Variants in CASP10 observed in about 807,000 individuals in gnomAD.
The protein encoded by CASP10 is caspase-10.
A neutral mutation model predicts 48.5 loss-of-function variants in CASP10; 41 were observed. That is an observed-to-expected ratio of 0.85 (90% CI 0.66 to 1.10). CASP10 has a LOEUF of 1.10. Ranked by LOEUF, CASP10 falls within the 50% of genes least tolerant of loss-of-function variation. The pLI is 0.00. For missense variants in CASP10, 614 were observed against 614.5 expected (o/e 1.00, Z 0.01); for synonymous variants, 232 against 238.4 (o/e 0.97, Z 0.25).
chr2:201,200,696 T>C lies in CASP10; in HGVS notation c.685-3034T>C. ...TTGTAAGTGATCTTAAGAGATTAAG[T>C]ACATCCTTAATTAAAAGAAATGGTA... is the stretch of plus-strand genomic sequence containing the variant. On this transcript the variant is annotated intron_variant, in intron 5 of 9. Coordinates refer to ENST00000286186, the MANE Select transcript of CASP10 (RefSeq NM_032977.4). The C allele has an allele frequency of 3.0e-6, 4 of 1,315,600 alleles. No individual in the cohort carries two copies. The South Asian group carries it at 7.6e-5, about 25-fold the overall frequency. The allele number at this position is 1,315,600 out of a possible 1,614,324, so 81.5% of individuals were successfully genotyped here.
At chr2:201,198,631 C>G (rs1326655612) in intron 5 of CASP10, among the ~76,000 whole-genome samples, 1 of 149,166 alleles carries the variant, frequency 6.7e-6, no homozygotes, top group Non-Finnish European at 1.5e-5. Context: ...AGCTCCGCCT[C>G]CCGTGTTCAC....
intron 1 of CASP10, 147 bp from the exon 2 acceptor site, chr2:201,185,624 C>A (rs1230135490): frequency 7.7e-6 from 5 of 652,568 alleles, no homozygotes; most frequent in Non-Finnish European, 1.4e-5. Context: ...TTTGAAGTAG[C>A]CTCGCCGTAA....
chr2:201,190,049 T>A (rs1944554761), intron 3 of CASP10, among the ~76,000 whole-genome samples: 1 of 152,058 alleles, frequency 6.6e-6, no homozygotes, highest in South Asian at 2.1e-4. Context: ...ACATCTTCAG[T>A]TTGGTTCCTA....
rs545796839 is a variant in CASP10 at position 201,196,018 on chromosome 2, C to T, written c.684+70C>T. ...CCCTCCAACCTCCCCTCCCTGCCAC[C>T]CCAAAAAAGAAAAAGAGAGAGAGGC... On this transcript the variant is annotated intron_variant, in intron 5 of 9. Coordinates refer to ENST00000286186, the MANE Select transcript of CASP10 (RefSeq NM_032977.4). 130 of 1,032,344 alleles carry T rather than the reference C, an allele frequency of 1.3e-4. No individual in the cohort carries two copies. The African/African-American group carries it at 1.6e-3, about 13-fold the overall frequency. The allele number at this position is 1,032,344 out of a possible 1,614,324, so 63.9% of individuals were successfully genotyped here. A position where few individuals can be genotyped will look rare whatever the true frequency, so the allele number is the denominator to read the frequency against.
exon 10 of CASP10, chr2:201,229,093 GAGGCTTCCTTCTGCCTGCCTTCC>G: frequency 6.2e-7 from 1 of 1,614,018 alleles, no homozygotes; most frequent in East Asian, 2.2e-5. Flanking sequence ...GTTCTTTCCA[GAGGCTTCCTTCTGCCTGCCTTCC>G]AGCCACATCG....
chr2:201,208,284 T>G, intron 8 of CASP10, 101 bp downstream of exon 8: 1 of 1,470,728 alleles, frequency 6.8e-7, no homozygotes, highest in Non-Finnish European at 9.0e-7. Context: ...TCCATATACG[T>G]GTAAGGATGA....
rs563614665 is a variant in CASP10, at chr2:201,220,991, T to C, written c.*3250T>C. 2.0e-6 allele frequency: 2 copies of C among 985,440 alleles called. No homozygotes were observed. Among genetic ancestry groups the C allele is most frequent in the African/African-American group, 3.5e-5 (2 of 57,366 alleles). The allele number at this position is 985,440 out of a possible 1,614,324, so 61.0% of individuals were successfully genotyped here. A position where few individuals can be genotyped will look rare whatever the true frequency, so the allele number is the denominator to read the frequency against. ...CTTGTCTGTAAAGTAGAGAAAACAT[T>C]AGCTGTTGGGAAGACGAAAAAGAAT... On this transcript the variant is annotated 3_prime_UTR_variant, in exon 10 of 10. Transcript: ENST00000286186.
At chr2:201,217,249 T>C (rs1945598817) in intron 9 of CASP10, among the ~76,000 whole-genome samples, 1 of 152,086 alleles carries the variant, frequency 6.6e-6, no homozygotes, top group Non-Finnish European at 1.5e-5. Flanking sequence ...TGGTGTGTGG[T>C]TTCTACCTCC....
At chr2:201,208,628 C>T (rs1355878466) in intron 8 of CASP10, among the ~76,000 whole-genome samples, 4 of 152,198 alleles carry the variant, frequency 2.6e-5, no homozygotes, top group Admixed American at 6.5e-5. Context: ...TAAAAATAAT[C>T]CAAAGCTTTA....
At chr2:201,195,737 G>A in intron 4 of CASP10, 105 bp from the exon 5 acceptor site, 3 of 819,510 alleles carry the variant, frequency 3.7e-6, no homozygotes, top group Non-Finnish European at 6.5e-6. Flanking sequence ...CAGTGCAGTG[G>A]GGCAATCTTG....
downstream of CASP10, among the ~76,000 whole-genome samples, chr2:201,222,149 C>T (rs1436896983): frequency 6.6e-6 from 1 of 151,818 alleles, no homozygotes; most frequent in East Asian, 1.9e-4. Context: ...GTATATTTTG[C>T]CTAGTTGTAC....
downstream of CASP10, among the ~76,000 whole-genome samples, chr2:201,225,503 G>A (rs1249036842): frequency 7.2e-5 from 11 of 152,002 alleles, no homozygotes; most frequent in South Asian, 1.0e-3. Flanking sequence ...TTGCACTCTC[G>A]GTCTGTTTTA....
chr2:201,204,924 G>C (rs1036758206), intron 6 of CASP10, among the ~76,000 whole-genome samples: 1 of 152,134 alleles, frequency 6.6e-6, no homozygotes, highest in African/African-American at 2.4e-5. Context: ...GGGGAATATG[G>C]ACTTGCTCAG....
At chr2:201,192,912 C>T in intron 3 of CASP10, 72 bp from the exon 4 acceptor site, 1 of 1,479,310 alleles carries the variant, frequency 6.8e-7, no homozygotes, top group Non-Finnish European at 9.4e-7. Flanking sequence ...TGCCTACTGG[C>T]CATGCAGATA....
intron 9 of CASP10, among the ~76,000 whole-genome samples, chr2:201,215,211 G>GTTTTTTTTTTTTTT (rs10616229): frequency 1.3e-3 from 39 of 29,914 alleles, no homozygotes; most frequent in Non-Finnish European, 2.0e-3. Context: ...TCTTCCCTCG[G>GTTTTTTTTTTTTTT]TTTTTTTTTT....
At position 201,220,925 on chromosome 2, in the gene CASP10, T is replaced by C; in HGVS notation, c.*3184T>C. 1.0e-6 allele frequency: 1 copy of C among 985,490 alleles called. No individual in the cohort carries two copies. The highest frequency in any genetic ancestry group is 1.2e-6 in the Non-Finnish European group (1 of 829,946). The allele number at this position is 985,490 out of a possible 1,614,324, so 61.0% of individuals were successfully genotyped here. On this transcript the variant is annotated 3_prime_UTR_variant, in exon 10 of 10. Coordinates refer to ENST00000286186, the MANE Select transcript of CASP10 (RefSeq NM_032977.4). Reference sequence around the variant, plus strand: ...CATTTCCATTTTGTCCTGATTCCTTTGCTCAGAGACACTAACTAAATCAAG... The same window carrying C: ...CATTTCCATTTTGTCCTGATTCCTTCGCTCAGAGACACTAACTAAATCAAG...
At position 201,209,301 on chromosome 2, in the gene CASP10, A is replaced by G; in HGVS notation, c.1154A>G (p.Gln385Arg). Residue 385 changes from glutamine to arginine, a missense_variant, in exon 9 of 10, where the codon CAG (glutamine) becomes CGG (arginine). By Grantham distance (43) the Gln-to-Arg change is conservative. Transcript: ENST00000286186. ...REIMSHFTALQCPRLAEKPKL... is the reference protein window; with the variant it reads ...REIMSHFTALRCPRLAEKPKL... ...ATCATGTCTCACTTCACAGCCCTGC[A>G]GTGCCCTAGACTGGCTGAAAAACCT... 1 of 1,614,180 alleles carries G rather than the reference A, an allele frequency of 6.2e-7. No homozygotes were observed. The highest frequency in any genetic ancestry group is 2.2e-5 in the East Asian group (1 of 44,872).
chr2:201,189,629 T>C (rs1272715506), intron 3 of CASP10, among the ~76,000 whole-genome samples: 1 of 152,132 alleles, frequency 6.6e-6, no homozygotes, highest in Non-Finnish European at 1.5e-5. Context: ...CATTACAAAA[T>C]ATATATAAAT....
chr2:201,209,025 TTC>T (rs759629646), intron 8 of CASP10, 43 bp from the exon 9 acceptor site: 229 of 1,518,618 alleles, frequency 1.5e-4, no homozygotes, highest in South Asian at 2.8e-4. Flanking sequence ...TATTTCCCCT[TTC>T]TCTCTCTCTC....
Sources: allele counts gnomAD v4.1 joint callset (sites outside exome capture counted in the v4.1 genomes callset), GRCh38; gene constraint gnomAD v4.1.1; transcripts MANE v1.5; gene names NCBI Gene and HGNC (gene_info 2026-07-23, HGNC 2026-07-21).